The following RYR3 variants were observed in gnomAD, a reference collection of about 807,000 sequenced individuals.
RYR3 encodes brain ryanodine receptor-calcium release channel.
A neutral mutation model predicts 584.3 loss-of-function variants in RYR3; 207 were observed. The observed-to-expected ratio is 0.35, with a 90% confidence interval of 0.32 to 0.40. RYR3 has a LOEUF of 0.40. Ranked by LOEUF, RYR3 falls within the 10% of genes least tolerant of loss-of-function variation. RYR3 has a pLI of 1.00. For missense variants in RYR3, 5,616 were observed against 6,089.2 expected (o/e 0.92, Z 2.59); for synonymous variants, 2,416 against 2,248.5 (o/e 1.07, Z -2.11).
chr15:33,753,699 A>T (rs572404950), intron 57 of RYR3, among the ~76,000 whole-genome samples: 8 of 152,208 alleles, frequency 5.3e-5, no homozygotes, highest in Non-Finnish European at 1.2e-4. Context: ...ATATGAAAAA[A>T]ATAGCAAGAC....
intron 69 of RYR3, among the ~76,000 whole-genome samples, chr15:33,805,610 T>G: frequency 6.6e-6 from 1 of 151,984 alleles, no homozygotes. Flanking sequence ...CCCAAGTAGC[T>G]GGGACTACAG....
rs569698195 is a variant in RYR3, at chr15:33,857,676, T to C, written c.14008-104T>C. On this transcript the variant is annotated intron_variant, in intron 98 of 103. Transcript: ENST00000634891. ...CCACCCCTTCCCCATTTCCTCTCCT[T>C]GCCCGTCCTCACTCTTCCTCCTCGT... is the stretch of plus-strand genomic sequence containing the variant. 4 of 1,447,698 alleles carry C rather than the reference T, an allele frequency of 2.8e-6. No homozygotes were observed. The African/African-American group carries it at 4.2e-5, about 15-fold the overall frequency. The allele number at this position is 1,447,698 out of a possible 1,614,324, so 89.7% of individuals were successfully genotyped here.
At chr15:33,698,356 C>T (rs1280792063) in intron 40 of RYR3, among the ~76,000 whole-genome samples, 1 of 152,196 alleles carries the variant, frequency 6.6e-6, no homozygotes, top group Admixed American at 6.5e-5. Context: ...TAAAGGAGAA[C>T]AAGATCTCAA....
chr15:33,320,866 GCA>G (rs971392642), intron 1 of RYR3, among the ~76,000 whole-genome samples: 21 of 152,302 alleles, frequency 1.4e-4, no homozygotes, highest in African/African-American at 4.6e-4. Flanking sequence ...AAATGTCATT[GCA>G]CAGTCATTTT....
chr15:33,821,745 A>G (rs1316686514), intron 80 of RYR3, 143 bp downstream of exon 80: 3 of 703,732 alleles, frequency 4.3e-6, no homozygotes, highest in Non-Finnish European at 7.4e-6. Context: ...GTGGCCAGTT[A>G]TATCAGAGTA....
chr15:33,733,699 A>C (rs1336412937), intron 48 of RYR3, among the ~76,000 whole-genome samples: 6 of 152,212 alleles, frequency 3.9e-5, no homozygotes, highest in Non-Finnish European at 5.9e-5. Context: ...AGAATGTACA[A>C]CACCAAGAGT....
intron 1 of RYR3, among the ~76,000 whole-genome samples, chr15:33,464,256 A>G (rs2048267424): frequency 6.6e-6 from 1 of 151,772 alleles, no homozygotes; most frequent in Admixed American, 6.6e-5. Flanking sequence ...CTTTCTGACA[A>G]GGCAACATTT....
At chr15:33,651,872 G>A (rs887705329) in intron 31 of RYR3, among the ~76,000 whole-genome samples, 3 of 152,186 alleles carry the variant, frequency 2.0e-5, no homozygotes, top group Admixed American at 2.0e-4. Flanking sequence ...ACCAGTGTGG[G>A]CTTAGAAGAA....
chr15:33,761,788 A>G (rs11072652), intron 60 of RYR3, among the ~76,000 whole-genome samples: 41,420 of 152,184 alleles, frequency 0.27, 7,065 homozygotes, highest in Admixed American at 0.46. Flanking sequence ...AAAACCTGGC[A>G]GAGACACATA....
At chr15:33,667,060 A>T (rs776325352) in intron 36 of RYR3, among the ~76,000 whole-genome samples, 3 of 152,086 alleles carry the variant, frequency 2.0e-5, no homozygotes, top group Non-Finnish European at 4.4e-5. Flanking sequence ...ACGTGACCCA[A>T]CCTGTTCTGT....
At chr15:33,628,725 C>A in intron 21 of RYR3, 150 bp downstream of exon 21, 1 of 280,030 alleles carries the variant, frequency 3.6e-6, no homozygotes, top group East Asian at 2.9e-5. Context: ...AGAAGTGTCT[C>A]CCCTTTCTTA....
rs1191779424 is a variant in RYR3, at chr15:33,850,615, G to A, written c.13628+2194G>A. On this transcript the variant is annotated intron_variant, in intron 94 of 103. Transcript: ENST00000634891. ...ATAGTACATGTTCATGTTTTGTAAC[G>A]TGCTTTTTTTCAGTTAACTGTATGT... 9.9e-5 allele frequency: 15 copies of A among 151,064 alleles called. No homozygotes were observed. The East Asian group carries it at 2.9e-3, about 29-fold the overall frequency. The allele number at this position is 151,064 out of a possible 1,614,324, so 9.4% of individuals were successfully genotyped here.
chr15:33,848,282 C>G lies in RYR3; in HGVS notation c.13498-9C>G. On this transcript the variant is annotated splice_polypyrimidine_tract_variant and intron_variant, in intron 93 of 103. Transcript: ENST00000634891. ...CTGCTCTGAGTAACCATCCTCCTCC[C>G]ACTCCTAGGTGCCTTTGGTGGTTTT... is the stretch of plus-strand genomic sequence containing the variant. The G allele has an allele frequency of 6.2e-7, 1 of 1,613,256 alleles. No homozygotes were observed. The highest frequency in any genetic ancestry group is 1.1e-5 in the South Asian group (1 of 91,040).
In RYR3 at chr15:33,662,231, G is replaced by T. The variant is rs115119086; in HGVS notation, c.4701G>T (p.Ala1567=). The T allele has an allele frequency of 1.2e-6, 2 of 1,609,062 alleles. No homozygotes were observed. Among genetic ancestry groups the T allele is most frequent in the Non-Finnish European group, 1.7e-6 (2 of 1,178,024 alleles). The change falls in exon 35 of 104, where the codon GCG becomes GCT. Residue 1567 remains alanine (A), a synonymous_variant. Transcript: ENST00000634891. ...ACCACACGCTGAGGCTCTACAGCGC[G>T]GTGTGCGCCCTGGGAAACAGCCGCG... ...FHYHTLRLYS[A]VCALGNSRVA... is the part of the protein sequence containing the mutation.
At chr15:33,642,930 G>A (rs975087711) in intron 27 of RYR3, among the ~76,000 whole-genome samples, 62 of 152,268 alleles carry the variant, frequency 4.1e-4, no homozygotes, top group African/African-American at 1.4e-3. Context: ...TATTAAACAC[G>A]TCTGTATCCT....
chr15:33,595,732 A>G (rs2059338970), intron 16 of RYR3, among the ~76,000 whole-genome samples: 2 of 152,194 alleles, frequency 1.3e-5, no homozygotes, highest in Admixed American at 1.3e-4. Flanking sequence ...TTTTAGACCC[A>G]GGAGTTAGAG....
intron 16 of RYR3, among the ~76,000 whole-genome samples, chr15:33,589,462 A>T (rs778312580): frequency 3.0e-4 from 45 of 152,130 alleles, no homozygotes; most frequent in Non-Finnish European, 1.6e-4. Flanking sequence ...TTTTAATTTA[A>T]TTAAGTCCCA....
intron 1 of RYR3, among the ~76,000 whole-genome samples, chr15:33,384,104 A>T (rs1286793536): frequency 1.3e-5 from 2 of 152,180 alleles, no homozygotes; most frequent in Non-Finnish European, 2.9e-5. Context: ...TTTGATAGGC[A>T]GGCAAGTCCT....
At chr15:33,790,169 T>C (rs2075067839) in intron 67 of RYR3, among the ~76,000 whole-genome samples, 1 of 151,202 alleles carries the variant, frequency 6.6e-6, no homozygotes, top group South Asian at 2.1e-4. Flanking sequence ...TTTTATTGTA[T>C]TTTTTAGTAG....
Sources: gnomAD v4.1 joint callset for allele counts (sites outside exome capture counted in the v4.1 genomes callset) on GRCh38, gnomAD v4.1.1 for gene constraint, MANE v1.5 for transcripts, NCBI Gene and HGNC (gene_info 2026-07-23, HGNC 2026-07-21) for gene names.